DTNB: variants seen among roughly 807,000 people sequenced by gnomAD.
DTNB encodes the protein dystrobrevin beta.
DTNB carries 63 observed loss-of-function variants against 90.7 expected under a neutral mutation model. The ratio of observed to expected loss-of-function variants is 0.69; its 90% CI spans 0.57 to 0.86. DTNB has a LOEUF of 0.86. Among genes scored for constraint, DTNB ranks in the 40% least tolerant of loss-of-function variants. The pLI, the probability that DTNB is intolerant of heterozygous loss-of-function variation, is 0.00. For synonymous variants in DTNB, 277 were observed against 286.7 expected (o/e 0.97, Z 0.34); for missense variants, 744 against 807.1 (o/e 0.92, Z 0.95).
At chr2:25,531,754 C>A (rs2078252330) in intron 8 of DTNB, among the ~76,000 whole-genome samples, 157 bp from the exon 9 acceptor site, 2 of 152,158 alleles carry the variant, frequency 1.3e-5, no homozygotes, top group Admixed American at 1.3e-4. Flanking sequence ...CAGAAAGGAA[C>A]CTCCAGTTGT....
At chr2:25,521,622 C>G (rs1230560159) in intron 9 of DTNB, among the ~76,000 whole-genome samples, 1 of 72,846 alleles carries the variant, frequency 1.4e-5, no homozygotes, top group Non-Finnish European at 2.3e-5. Context: ...GTGATCCACT[C>G]CCAACTCAAG....
At chr2:25,589,866 C>T (rs1324610373) in intron 6 of DTNB, among the ~76,000 whole-genome samples, 2 of 152,196 alleles carry the variant, frequency 1.3e-5, no homozygotes, top group Non-Finnish European at 2.9e-5. Context: ...GCAGGCTGCA[C>T]TCGGCTCACG....
chr2:25,628,101 T>C (rs1157280551), intron 4 of DTNB, 70 bp downstream of exon 4: 50 of 1,517,976 alleles, frequency 3.3e-5, no homozygotes, highest in Non-Finnish European at 4.0e-5. Flanking sequence ...CACGGCAGTA[T>C]GGAAGAAGAA....
At chr2:25,474,271 C>T (rs765640288) in intron 10 of DTNB, among the ~76,000 whole-genome samples, 1 of 148,890 alleles carries the variant, frequency 6.7e-6, no homozygotes, top group Admixed American at 6.7e-5. Flanking sequence ...TGTTAATTTT[C>T]AATTACTCTG....
chr2:25,621,746 T>C (rs1302988730), intron 4 of DTNB, among the ~76,000 whole-genome samples: 1 of 151,280 alleles, frequency 6.6e-6, no homozygotes, highest in Non-Finnish European at 1.5e-5. Context: ...CATGAGCCAC[T>C]GCACCCAGCC....
At chr2:25,587,619 G>C (rs2062706473) in intron 6 of DTNB, among the ~76,000 whole-genome samples, 1 of 152,104 alleles carries the variant, frequency 6.6e-6, no homozygotes, top group Non-Finnish European at 1.5e-5. Flanking sequence ...AGAGCATGTG[G>C]ACAGCAAGTA....
At position 25,658,432 on chromosome 2, in the gene DTNB, T is replaced by C. The variant is rs182011154; in HGVS notation, c.-1-5771A>G. On this transcript the variant is annotated intron_variant, in intron 1 of 20. Coordinates refer to ENST00000406818, the MANE Select transcript of DTNB (RefSeq NM_021907.5). The stretch of plus-strand genomic sequence containing the variant: ...ATTGCACTGCTAGGTGTTTGCTCAA[T>C]TGAGTTGAAAATTTATGTCCACACA... 9.9e-4 allele frequency among the ~76,000 whole-genome samples: 151 copies of C among 152,304 alleles called. 1 individual carries two copies. Among genetic ancestry groups the C allele is most frequent in the Non-Finnish European group, 7.3e-5 (5 of 68,034 alleles).
chr2:25,587,307 T>C (rs572805593), intron 6 of DTNB, among the ~76,000 whole-genome samples: 21 of 152,292 alleles, frequency 1.4e-4, no homozygotes, highest in African/African-American at 4.1e-4. Flanking sequence ...AACCAACATC[T>C]GAGAAAGCAC....
chr2:25,558,584 T>C (rs6737159), intron 8 of DTNB, among the ~76,000 whole-genome samples: 42,166 of 152,096 alleles, frequency 0.28, 6,451 homozygotes, highest in East Asian at 0.51. Flanking sequence ...GTTGAAAAAA[T>C]GCCTTATTGT....
chr2:25,444,348 G>A (rs1177504165), intron 12 of DTNB, among the ~76,000 whole-genome samples: 1 of 151,966 alleles, frequency 6.6e-6, no homozygotes, highest in Non-Finnish European at 1.5e-5. Context: ...GGCCAACATG[G>A]TGAAACCCTG....
At chr2:25,586,476 C>T (rs377134771) in intron 6 of DTNB, among the ~76,000 whole-genome samples, 5 of 148,450 alleles carry the variant, frequency 3.4e-5, no homozygotes, top group Admixed American at 3.4e-4. Context: ...CGCCACTGCA[C>T]TCCAGCCTGG....
chr2:25,414,039 A>T (rs536760787), intron 16 of DTNB, among the ~76,000 whole-genome samples: 1 of 152,324 alleles, frequency 6.6e-6, no homozygotes, highest in Non-Finnish European at 1.5e-5. Flanking sequence ...AGTGATGACG[A>T]GCATTTTTTC....
rs751092115 is a variant in DTNB at position 25,432,873 on chromosome 2, T to C, written c.1457+13A>G. ...AGATTACATGTGGCAAGTGGTAGAG[T>C]GTCCCTACTCACCTCAGCAGCCGCA... On this transcript the variant is annotated intron_variant, in intron 14 of 20. Coordinates refer to ENST00000406818, the MANE Select transcript of DTNB (RefSeq NM_021907.5). The C allele has an allele frequency of 4.4e-6, 7 of 1,583,062 alleles. No homozygotes were observed. Among genetic ancestry groups the C allele is most frequent in the Non-Finnish European group, 6.0e-6 (7 of 1,165,228 alleles).
chr2:25,389,081 C>G (rs560534197), intron 16 of DTNB, among the ~76,000 whole-genome samples: 3 of 152,208 alleles, frequency 2.0e-5, no homozygotes, highest in African/African-American at 7.2e-5. Flanking sequence ...CTCCTGAGCT[C>G]ATGCAATCTG....
At chr2:25,612,594 T>C (rs2148567477) in intron 4 of DTNB, among the ~76,000 whole-genome samples, 1 of 152,116 alleles carries the variant, frequency 6.6e-6, no homozygotes, top group Non-Finnish European at 1.5e-5. Context: ...AAATTAATGA[T>C]GCTGAAAACA....
chr2:25,558,259 G>C, intron 8 of DTNB: 1 of 985,214 alleles, frequency 1.0e-6, no homozygotes. Flanking sequence ...ATCTCAGAAA[G>C]CATGAGGTAT....
rs78539494 is a variant in DTNB, at chr2:25,382,824, T to A, written c.1879+1012A>T. ...GATTACAGGTGTGAGCCACCACGTC[T>A]GGCCTAAATCTCTGCCGTTTAACAG... On this transcript the variant is annotated intron_variant, in intron 19 of 20. Coordinates refer to ENST00000406818, the MANE Select transcript of DTNB (RefSeq NM_021907.5). 1.5e-3 allele frequency among the ~76,000 whole-genome samples: 223 copies of A among 152,244 alleles called. 1 individual carries two copies. Among genetic ancestry groups the A allele is most frequent in the African/African-American group, 5.2e-3 (215 of 41,528 alleles).
intron 8 of DTNB, among the ~76,000 whole-genome samples, chr2:25,532,980 G>A (rs771920770): frequency 3.9e-5 from 6 of 152,130 alleles, no homozygotes; most frequent in Non-Finnish European, 8.8e-5. Context: ...CAGAAACTTC[G>A]TATATTGGCT....
intron 10 of DTNB, among the ~76,000 whole-genome samples, chr2:25,456,641 C>T (rs2060078821): frequency 1.3e-5 from 2 of 152,028 alleles, no homozygotes; most frequent in Non-Finnish European, 2.9e-5. Context: ...GGCATGATCT[C>T]GGGTCACTGC....
Sources: allele counts gnomAD v4.1 joint callset (sites outside exome capture counted in the v4.1 genomes callset), GRCh38; gene constraint gnomAD v4.1.1; transcripts MANE v1.5; gene names NCBI Gene and HGNC (gene_info 2026-07-23, HGNC 2026-07-21).